Variants in ATP2C2 observed in about 807,000 individuals in gnomAD.
The protein encoded by ATP2C2 is ATPase secretory pathway Ca2+ transporting 2.
In ATP2C2, 171 loss-of-function variants were observed where a neutral mutation model predicts 110.8. The ratio of observed to expected loss-of-function variants is 1.54; its 90% CI spans 1.36 to 1.75. The LOEUF is 1.75. ATP2C2 is among the 40% of genes most tolerant of loss of function. ATP2C2 has a pLI of 0.00. For synonymous variants in ATP2C2, 804 were observed against 508.4 expected (o/e 1.58, Z -7.82); for missense variants, 1,963 against 1,235.0 (o/e 1.59, Z -8.84).
intron 1 of ATP2C2, among the ~76,000 whole-genome samples, chr16:84,394,539 C>T (rs867483944): frequency 1.3e-5 from 2 of 152,006 alleles, no homozygotes; most frequent in Non-Finnish European, 2.9e-5. Flanking sequence ...CTATGGTCAC[C>T]GAGTACCAAA....
At chr16:84,431,664 G>A (rs1455664617) in intron 11 of ATP2C2, among the ~76,000 whole-genome samples, 1 of 151,956 alleles carries the variant, frequency 6.6e-6, no homozygotes, top group African/African-American at 2.4e-5. Context: ...CACTTGGGGG[G>A]GACCACAGCT....
intron 1 of ATP2C2, among the ~76,000 whole-genome samples, chr16:84,382,752 C>T (rs1910657450): frequency 6.6e-6 from 1 of 152,118 alleles, no homozygotes; most frequent in African/African-American, 2.4e-5. Context: ...AACATTTAGC[C>T]AGGCATGGTG....
intron 1 of ATP2C2, among the ~76,000 whole-genome samples, chr16:84,369,112 G>A (rs1909802999): frequency 6.6e-6 from 1 of 152,050 alleles, no homozygotes; most frequent in South Asian, 2.1e-4. Flanking sequence ...AAAATTAGAG[G>A]GATGCAAAAA....
At chr16:84,462,259 T>G in intron 26 of ATP2C2, 130 bp downstream of exon 26, 1 of 1,225,052 alleles carries the variant, frequency 8.2e-7, no homozygotes, top group Non-Finnish European at 1.1e-6. Context: ...GCCGGCTCTG[T>G]CTTCAGGGCC....
At chr16:84,380,946 C>G (rs13330974) in intron 1 of ATP2C2, among the ~76,000 whole-genome samples, 1 of 151,954 alleles carries the variant, frequency 6.6e-6, no homozygotes, top group Admixed American at 6.6e-5. Context: ...TTTGAGAGGC[C>G]GAGGCGGGCG....
intron 6 of ATP2C2, among the ~76,000 whole-genome samples, chr16:84,412,441 CATGTGTGTGTCTG>C (rs1906435600): frequency 7.6e-6 from 1 of 131,426 alleles, no homozygotes; most frequent in Admixed American, 7.8e-5. Context: ...TGTGTGTATG[CATGTGTGTGTCTG>C]TGTCTCCGTG....
chr16:84,385,338 C>G (rs148277113), intron 1 of ATP2C2, among the ~76,000 whole-genome samples: 1 of 152,182 alleles, frequency 6.6e-6, no homozygotes, highest in Non-Finnish European at 1.5e-5. Context: ...TAGTGCTCAA[C>G]TATTCATGAG....
chr16:84,446,241 T>A, intron 15 of ATP2C2, 88 bp from the exon 16 acceptor site: 1 of 701,270 alleles, frequency 1.4e-6, no homozygotes, highest in Non-Finnish European at 2.2e-6. Flanking sequence ...AGAGGTGGTT[T>A]GAACAATGAA....
chr16:84,421,288 G>GAGTCCA (rs1907315334), intron 7 of ATP2C2, among the ~76,000 whole-genome samples: 1 of 152,254 alleles, frequency 6.6e-6, no homozygotes, highest in African/African-American at 2.4e-5. Flanking sequence ...CCTCCCTGAC[G>GAGTCCA]CTGTGGGGTC....
chr16:84,446,859 C>A (rs970041612), intron 16 of ATP2C2, among the ~76,000 whole-genome samples: 1 of 152,108 alleles, frequency 6.6e-6, no homozygotes, highest in African/African-American at 2.4e-5. Flanking sequence ...ACTTGCCAGT[C>A]CTCTCTTTGC....
intron 21 of ATP2C2, 26 bp downstream of exon 21, chr16:84,455,010 C>G (rs772494996): frequency 4.1e-5 from 66 of 1,605,652 alleles, no homozygotes; most frequent in Non-Finnish European, 5.4e-5. Context: ...GGTTGTTTTT[C>G]AGTTGCAAAA....
chr16:84,409,122 C>T (rs1374671966), intron 4 of ATP2C2, among the ~76,000 whole-genome samples: 20 of 152,134 alleles, frequency 1.3e-4, no homozygotes. Flanking sequence ...GAAATGGATT[C>T]AGACGGATGA....
chr16:84,405,010 A>T, intron 2 of ATP2C2, 118 bp from the exon 3 acceptor site: 1 of 866,950 alleles, frequency 1.2e-6, no homozygotes. Context: ...CTTGGTGGAC[A>T]AGCCTGTGTC....
rs1162220940 is a variant in ATP2C2 at position 84,398,622 on chromosome 16, T to G, written c.210+13T>G. ...CAGAGCGTTTTGTGTAAGAATTGAA[T>G]TTGCATCTGGAGCTAATTGTGATAA... On this transcript the variant is annotated intron_variant, in intron 2 of 26. Coordinates refer to ENST00000262429, the MANE Select transcript of ATP2C2 (RefSeq NM_014861.4). 6.3e-7 allele frequency: 1 copy of G among 1,588,178 alleles called. No individual in the cohort carries two copies. Among genetic ancestry groups the G allele is most frequent in the South Asian group, 1.1e-5 (1 of 89,374 alleles).
In ATP2C2 at chr16:84,448,632, C is replaced by A; in HGVS notation, c.1603C>A (p.Gln535Lys). The change falls in exon 17 of 27, where the codon CAG becomes AAG. Residue 535 changes from glutamine to lysine, a missense_variant. Coordinates refer to ENST00000262429, the MANE Select transcript of ATP2C2 (RefSeq NM_014861.4). Reference sequence around the variant, plus strand: ...GGGCATCCCCCTGCCGCTGACGCCCCAGCAGAGGTCATTCTGCCTGCAGGA... The same window carrying A: ...GGGCATCCCCCTGCCGCTGACGCCCAAGCAGAGGTCATTCTGCCTGCAGGA... ...NGGIPLPLTP[Q>K]QRSFCLQEEK... is the part of the protein sequence containing the mutation. 6.2e-7 allele frequency: 1 copy of A among 1,614,012 alleles called. No homozygotes were observed. The highest frequency in any genetic ancestry group is 8.5e-7 in the Non-Finnish European group (1 of 1,179,938).
chr16:84,432,227 C>G (rs1014899968), intron 11 of ATP2C2, among the ~76,000 whole-genome samples: 1 of 152,138 alleles, frequency 6.6e-6, no homozygotes, highest in East Asian at 1.9e-4. Flanking sequence ...GCAGTGTACA[C>G]TGTACCCAAT....
Position 84,422,536 on chromosome 16 carries a change from C to A in ATP2C2, c.771C>A (p.Gly257=). The A allele has an allele frequency of 7.4e-6, 12 of 1,613,656 alleles. No individual in the cohort carries two copies. The highest frequency in any genetic ancestry group is 1.0e-5 in the Non-Finnish European group (12 of 1,179,810). ...GGACCCTGGTGCAGTATGGGAGGGG[C>A]CAGGTAAGCCCTGGGACACCGAGGC... is the stretch of plus-strand genomic sequence containing the variant. The part of the protein sequence containing the change: ...FMGTLVQYGR[G]QGVVIGTGES... Residue 257 remains glycine, a synonymous_variant, in exon 8 of 27, where the codon GGC becomes GGA. Coordinates refer to ENST00000262429, the MANE Select transcript of ATP2C2 (RefSeq NM_014861.4).
intron 7 of ATP2C2, among the ~76,000 whole-genome samples, chr16:84,419,491 G>A (rs1292351617): frequency 6.6e-6 from 1 of 152,194 alleles, no homozygotes; most frequent in South Asian, 2.1e-4. Flanking sequence ...AGGTCCTTCA[G>A]TTAGTCACGT....
At chr16:84,371,647 T>G (rs1909960235) in intron 1 of ATP2C2, among the ~76,000 whole-genome samples, 1 of 152,216 alleles carries the variant, frequency 6.6e-6, no homozygotes, top group Non-Finnish European at 1.5e-5. Flanking sequence ...CAGCGCCAAC[T>G]CCGGGGGAAG....
Sources: allele counts gnomAD v4.1 joint callset (sites outside exome capture counted in the v4.1 genomes callset), GRCh38; gene constraint gnomAD v4.1.1; transcripts MANE v1.5; gene names NCBI Gene and HGNC (gene_info 2026-07-23, HGNC 2026-07-21).